CDH13: variants seen among roughly 807,000 people sequenced by gnomAD.
CDH13 encodes cadherin 13.
A neutral mutation model predicts 63.8 loss-of-function variants in CDH13; 24 were observed. The observed-to-expected ratio is 0.38, with a 90% CI of 0.27 to 0.53. The LOEUF (loss-of-function observed/expected upper bound fraction) is 0.53. Ranked by LOEUF, CDH13 falls within the 20% of genes least tolerant of loss-of-function variation. CDH13 has a pLI of 0.85. For missense variants in CDH13, 1,049 were observed against 903.1 expected (o/e 1.16, Z -2.07); for synonymous variants, 503 against 355.3 (o/e 1.42, Z -4.67).
chr16:82,861,326 T>C (rs1264582718), intron 2 of CDH13, among the ~76,000 whole-genome samples: 1 of 152,228 alleles, frequency 6.6e-6, no homozygotes, highest in Non-Finnish European at 1.5e-5. Context: ...TTGTGAACTT[T>C]TGTGTTGCAG....
At chr16:83,169,007 T>G (rs990776164) in intron 4 of CDH13, among the ~76,000 whole-genome samples, 12 of 152,298 alleles carry the variant, frequency 7.9e-5, no homozygotes, top group Admixed American at 3.9e-4. Context: ...CAGTTATCTA[T>G]TTTCTTAGCC....
chr16:83,123,905 G>C (rs574152074), intron 3 of CDH13, among the ~76,000 whole-genome samples: 8 of 152,234 alleles, frequency 5.3e-5, no homozygotes, highest in Admixed American at 3.3e-4. Flanking sequence ...ATTCTGACTG[G>C]TATAAGATGA....
In CDH13 at chr16:83,047,460, G is replaced by A. The variant is rs1917904579; in HGVS notation, c.366+15242G>A. 6.6e-6 allele frequency among the ~76,000 whole-genome samples: 1 copy of A among 152,032 alleles called. No homozygotes were observed. Among genetic ancestry groups the A allele is most frequent in the Non-Finnish European group, 1.5e-5 (1 of 67,984 alleles). On this transcript the variant is annotated intron_variant, in intron 3 of 13. Coordinates refer to ENST00000567109, the MANE Select transcript of CDH13 (RefSeq NM_001257.5). The surrounding 1 kb of genome is among the most constrained non-coding windows in gnomAD (Gnocchi z 4.9). The stretch of plus-strand genomic sequence containing the variant: ...CGTGACCACCAGTCTTATTTACCTT[G>A]TTATCTGTAATTTCCTCTTTCCCTC...
chr16:83,104,292 A>G (rs1452771209), intron 3 of CDH13, among the ~76,000 whole-genome samples: 2 of 152,180 alleles, frequency 1.3e-5, no homozygotes, highest in Admixed American at 1.3e-4. Context: ...GTAATCAATG[A>G]CGTGGGGAGA....
chr16:83,462,803 A>G (rs1168354638), intron 6 of CDH13, among the ~76,000 whole-genome samples: 1 of 152,140 alleles, frequency 6.6e-6, no homozygotes, highest in East Asian at 1.9e-4. Context: ...TGCTTTCTCA[A>G]TGCCCAACCC....
rs555345821 is a variant in CDH13 at position 82,848,020 on chromosome 16, C to G, written c.46-10342C>G. Among the ~76,000 whole-genome samples the G allele has an allele frequency of 2.5e-4, 38 of 151,830 alleles. 2 individuals are homozygous for G. Among genetic ancestry groups the G allele is most frequent in the African/African-American group, 8.5e-4 (35 of 41,394 alleles). On this transcript the variant is annotated intron_variant, in intron 1 of 13. Transcript: ENST00000567109. ...TTAGCATTTCATTTGGGAAGAAAGACTTGCAATTTGGGGCATTTATGCAGA... is the reference window on the plus strand; with the variant it reads ...TTAGCATTTCATTTGGGAAGAAAGAGTTGCAATTTGGGGCATTTATGCAGA...
At chr16:82,832,627 A>G (rs2038594226) in intron 1 of CDH13, among the ~76,000 whole-genome samples, 1 of 152,206 alleles carries the variant, frequency 6.6e-6, no homozygotes, top group African/African-American at 2.4e-5. Context: ...AATCTTAAAC[A>G]TTCTTTTCAA....
intron 2 of CDH13, among the ~76,000 whole-genome samples, chr16:82,896,276 A>ATGTTTTTTTTTT (rs2041253638): frequency 1.1e-5 from 1 of 87,816 alleles, no homozygotes; most frequent in African/African-American, 4.3e-5. Context: ...TAGGATTAGG[A>ATGTTTTTTTTTT]TTTTTTTTTT....
Position 83,618,831 on chromosome 16 carries a change from TA to T in CDH13, c.1101+16248del, listed in dbSNP as rs11429729. Among the ~76,000 whole-genome samples, 959 of 148,066 alleles carry T rather than the reference TA, an allele frequency of 6.5e-3. 11 individuals carry two copies. Among genetic ancestry groups the T allele is most frequent in the African/African-American group, 0.021 (863 of 40,780 alleles). On this transcript the variant is annotated intron_variant, in intron 8 of 13. Transcript: ENST00000567109. ...GACAGGTTCAACTTATCCTGTGAGT[TA>T]AAAAAAAAAATGAAAGCAAGAAAAT...
Position 82,645,291 on chromosome 16 carries a change from A to G in CDH13, c.45+18154A>G, listed in dbSNP as rs762750002. Among the ~76,000 whole-genome samples the G allele has an allele frequency of 3.3e-4, 50 of 152,184 alleles. 1 individual carries two copies. Among genetic ancestry groups the G allele is most frequent in the Admixed American group, 6.5e-5 (1 of 15,282 alleles). ...TCAGAAATCTGTGTTTCCAGATTCC[A>G]CTGGGTTTTCAACTCCATCCAGAAT... On this transcript the variant is annotated intron_variant, in intron 1 of 13. Transcript: ENST00000567109.
At chr16:83,301,639 G>T (rs2089748974) in intron 5 of CDH13, among the ~76,000 whole-genome samples, 1 of 152,224 alleles carries the variant, frequency 6.6e-6, no homozygotes, top group African/African-American at 2.4e-5. Context: ...TCCTGGCGCT[G>T]GGAGGCTTTA....
In CDH13 at chr16:83,749,760, C is replaced by G. The variant is rs188127640; in HGVS notation, c.1681+1510C>G. Among the ~76,000 whole-genome samples the G allele has an allele frequency of 1.1e-3, 172 of 152,194 alleles. 1 individual carries two copies. The highest frequency in any genetic ancestry group is 0.011 in the Admixed American group (165 of 15,282). On this transcript the variant is annotated intron_variant, in intron 11 of 13. Coordinates refer to ENST00000567109, the MANE Select transcript of CDH13 (RefSeq NM_001257.5). ...CTCATGAATTATTTGGAAGGTTAGTCAAGTACACAGAAGATCACAGTAGAG... is the reference window on the plus strand; with the variant it reads ...CTCATGAATTATTTGGAAGGTTAGTGAAGTACACAGAAGATCACAGTAGAG...
intron 4 of CDH13, among the ~76,000 whole-genome samples, chr16:83,178,547 G>A (rs1396100730): frequency 6.6e-6 from 1 of 152,108 alleles, no homozygotes; most frequent in Admixed American, 6.5e-5. Context: ...TTTAATATTT[G>A]GATCAGTGGG....
intron 2 of CDH13, among the ~76,000 whole-genome samples, chr16:82,880,955 C>G (rs957450309): frequency 6.6e-6 from 1 of 152,162 alleles, no homozygotes; most frequent in Admixed American, 6.5e-5. Flanking sequence ...TTTGTGAGAA[C>G]AATTTTTAAA....
intron 2 of CDH13, among the ~76,000 whole-genome samples, chr16:82,865,902 C>T (rs185813548): frequency 6.6e-6 from 1 of 152,274 alleles, no homozygotes; most frequent in East Asian, 1.9e-4. Flanking sequence ...CAAATCTTCT[C>T]TTTGTGAATA....
chr16:83,414,060 G>C (rs1020962825), intron 6 of CDH13, among the ~76,000 whole-genome samples: 2 of 152,056 alleles, frequency 1.3e-5, no homozygotes, highest in Non-Finnish European at 2.9e-5. Flanking sequence ...GACAATACTT[G>C]ATTCTTTTAC....
At chr16:83,754,546 G>A (rs1358486391) in intron 11 of CDH13, among the ~76,000 whole-genome samples, 6 of 152,198 alleles carry the variant, frequency 3.9e-5, no homozygotes, top group African/African-American at 1.2e-4. Context: ...TAATTCCCAT[G>A]TGCTGTGGGA....
At chr16:83,477,977 C>G (rs1261638564) in intron 6 of CDH13, among the ~76,000 whole-genome samples, 1 of 152,040 alleles carries the variant, frequency 6.6e-6, no homozygotes, top group South Asian at 2.1e-4. Context: ...GTCAGGAGAT[C>G]GAGACCATCC....
At chr16:83,447,633 C>A (rs1244561587) in intron 6 of CDH13, among the ~76,000 whole-genome samples, 1 of 151,700 alleles carries the variant, frequency 6.6e-6, no homozygotes, top group East Asian at 1.9e-4. Flanking sequence ...GAAAACAGGT[C>A]AAGAGGATCC....
Sources: allele counts gnomAD v4.1 joint callset (sites outside exome capture counted in the v4.1 genomes callset), GRCh38; gene constraint gnomAD v4.1.1; non-coding constraint Gnocchi (gnomAD v3.1); transcripts MANE v1.5; gene names NCBI Gene and HGNC (gene_info 2026-07-23, HGNC 2026-07-21).